SASH1: variants seen among roughly 807,000 people sequenced by gnomAD.
SASH1 encodes SAM and SH3 domain-containing protein 1.
SASH1 carries 44 observed loss-of-function variants against 125.2 expected under a neutral mutation model. The observed-to-expected ratio is 0.35, with a 90% CI of 0.28 to 0.45. The LOEUF (loss-of-function observed/expected upper bound fraction) is 0.45, where lower values mean the gene tolerates loss of function less well. Ranked by LOEUF, SASH1 falls within the 20% of genes least tolerant of loss-of-function variation. The probability of loss-of-function intolerance (pLI) is 1.00; values close to 1 mark genes in which losing one functional copy is unlikely to be tolerated. For synonymous variants in SASH1, 639 were observed against 649.1 expected (o/e 0.98, Z 0.24); for missense variants, 1,426 against 1,614.5 (o/e 0.88, Z 2.00).
In SASH1 at chr6:148,316,875, C is replaced by T. The variant is rs1780491887; in HGVS notation, n.74+44498C>T. On this transcript the variant is annotated intron_variant and non_coding_transcript_variant, in intron 1 of 3. Transcript: ENST00000367469. ...GGTGTGTATCTTGGGTGCAAATGTG[C>T]ATGAAAGATCAAAATGAAGCTCTTT... 3.3e-5 allele frequency among the ~76,000 whole-genome samples: 5 copies of T among 152,118 alleles called. No homozygotes were observed. The South Asian group carries it at 1.0e-3, about 31-fold the overall frequency.
intron 1 of SASH1, among the ~76,000 whole-genome samples, chr6:148,318,681 T>C (rs1180753217): frequency 4.0e-5 from 6 of 151,344 alleles, no homozygotes; most frequent in African/African-American, 1.5e-4. Context: ...GCCTCACGAG[T>C]AGCTCGGACT....
At chr6:148,265,757 C>G in the SASH1 span, among the ~76,000 whole-genome samples, 1 of 152,122 alleles carries the variant, frequency 6.6e-6, no homozygotes, top group South Asian at 2.1e-4. Flanking sequence ...GATGCCAGAT[C>G]TAGGCCTTAA....
rs1221442437 is a variant in SASH1 at position 148,550,804 on chromosome 6, T to A, written c.*2246T>A. 1.3e-5 allele frequency: 2 copies of A among 152,240 alleles called. No homozygotes were observed. The highest frequency in any genetic ancestry group is 4.8e-5 in the African/African-American group (2 of 41,470). The allele number at this position is 152,240 out of a possible 1,614,324, so 9.4% of individuals were successfully genotyped here. A position where few individuals can be genotyped will look rare whatever the true frequency, so the allele number is the denominator to read the frequency against. ...TACCTCGGCTTGACATTTGGACAGA[T>A]CCTGTCATTGTTTAAGCTGAGCAAA... On this transcript the variant is annotated 3_prime_UTR_variant, in exon 20 of 20. Transcript: ENST00000367467.
At chr6:148,507,093 T>G (rs1333586029) in intron 8 of SASH1, among the ~76,000 whole-genome samples, 1 of 152,018 alleles carries the variant, frequency 6.6e-6, no homozygotes, top group East Asian at 1.9e-4. Context: ...TTGGGCAGTG[T>G]AGGGAAGGTG....
At chr6:148,479,045 C>CTTTTT (rs35055729) in intron 7 of SASH1, 1 of 105,168 alleles carries the variant, frequency 9.5e-6, no homozygotes. Context: ...GACTGCACTA[C>CTTTTT]TTTTTTTTTT....
In SASH1 at chr6:148,519,902, G is replaced by A. The variant is rs187923820; in HGVS notation, c.1209+9G>A. 128 of 1,536,710 alleles carry A rather than the reference G, an allele frequency of 8.3e-5. 1 individual carries two copies. The East Asian group carries it at 2.3e-3, about 27-fold the overall frequency. Reference sequence around the variant, plus strand: ...GGTCCCTAAGCCACGGGGTAAGTACGGATGGTGTTTGCTTCTATGACAACC... The same window carrying A: ...GGTCCCTAAGCCACGGGGTAAGTACAGATGGTGTTTGCTTCTATGACAACC... On this transcript the variant is annotated intron_variant, in intron 10 of 19. Transcript: ENST00000367467. The surrounding 1 kb of genome is among the most constrained non-coding windows in gnomAD (Gnocchi z 4.8).
At position 148,534,771 on chromosome 6, in the gene SASH1, G is replaced by C. The variant is rs142166203; in HGVS notation, c.1965G>C (p.Leu655=). The C allele has an allele frequency of 3.2e-5, 51 of 1,614,212 alleles. No individual in the cohort carries two copies. The African/African-American group carries it at 6.0e-4, about 19-fold the overall frequency. The part of the protein sequence containing the change: ...INLKEHMPTF[L]FNGYEDLDTF... The stretch of plus-strand genomic sequence containing the variant: ...CACAGGAGCACATGCCCACTTTCCT[G>C]TTCAATGGATATGAAGATTTGGACA... Residue 655 remains leucine (L), a synonymous_variant, in exon 16 of 20, where the codon CTG becomes CTC. Coordinates refer to ENST00000367467, the MANE Select transcript of SASH1 (RefSeq NM_015278.5).
intron 1 of SASH1, among the ~76,000 whole-genome samples, chr6:148,286,257 TG>T (rs1236712901): frequency 6.6e-6 from 1 of 151,884 alleles, no homozygotes; most frequent in Non-Finnish European, 1.5e-5. Context: ...TTCCATTAGC[TG>T]GGCGTGGTGG....
intron 8 of SASH1, among the ~76,000 whole-genome samples, chr6:148,498,086 C>G (rs1314516204): frequency 6.6e-6 from 1 of 151,756 alleles, no homozygotes; most frequent in Non-Finnish European, 1.5e-5. Context: ...AGGCCTTCCT[C>G]GACATATCAA....
At chr6:148,316,217 T>C (rs2128520186) in intron 1 of SASH1, among the ~76,000 whole-genome samples, 1 of 152,322 alleles carries the variant, frequency 6.6e-6, no homozygotes, top group East Asian at 1.9e-4. Flanking sequence ...CTTATCTAGG[T>C]GTTCCCAGTT....
At chr6:148,401,035 A>G (rs1784148595) in intron 2 of SASH1, among the ~76,000 whole-genome samples, 1 of 152,138 alleles carries the variant, frequency 6.6e-6, no homozygotes, top group Admixed American at 6.6e-5. Flanking sequence ...GCTTGAGTTT[A>G]GGAGTTTGAG....
intron 4 of SASH1, among the ~76,000 whole-genome samples, chr6:148,455,379 G>C (rs1023178841): frequency 6.6e-6 from 1 of 152,202 alleles, no homozygotes; most frequent in Non-Finnish European, 1.5e-5. Context: ...GTTGGGGGCT[G>C]TTCAGCTGAT....
chr6:148,434,319 C>T (rs534901052), intron 2 of SASH1, among the ~76,000 whole-genome samples: 1 of 152,202 alleles, frequency 6.6e-6, no homozygotes, highest in African/African-American at 2.4e-5. Flanking sequence ...TCGTGATCTG[C>T]CTGCCTCAGC....
intron 1 of SASH1, among the ~76,000 whole-genome samples, chr6:148,318,471 G>T (rs1304003682): frequency 6.6e-6 from 1 of 151,646 alleles, no homozygotes; most frequent in Non-Finnish European, 1.5e-5. Flanking sequence ...TATTTATTGA[G>T]CTCCTTACTG....
At chr6:148,506,474 C>T (rs1000698608) in intron 8 of SASH1, among the ~76,000 whole-genome samples, 7 of 152,014 alleles carry the variant, frequency 4.6e-5, no homozygotes, top group African/African-American at 1.7e-4. Flanking sequence ...AACTCCATCT[C>T]AAATAATAAT....
At chr6:148,456,867 T>A (rs1777375980) in intron 4 of SASH1, among the ~76,000 whole-genome samples, 1 of 134,280 alleles carries the variant, frequency 7.4e-6, no homozygotes, top group African/African-American at 2.7e-5. Context: ...CCAGAGTGTC[T>A]CATAACAATA....
intron 4 of SASH1, among the ~76,000 whole-genome samples, chr6:148,454,336 G>A (rs556097297): frequency 2.9e-4 from 44 of 152,082 alleles, no homozygotes; most frequent in Non-Finnish European, 4.7e-4. Context: ...TGACGGTGAA[G>A]CACGGAAAAA....
At chr6:148,372,886 G>GA (rs1431610429) in intron 1 of SASH1, among the ~76,000 whole-genome samples, 1 of 152,070 alleles carries the variant, frequency 6.6e-6, no homozygotes, top group African/African-American at 2.4e-5. Flanking sequence ...TTCAGATGGT[G>GA]AAAAAATGGT....
At position 148,468,561 on chromosome 6, in the gene SASH1, T is replaced by C. The variant is rs780501252; in HGVS notation, c.403T>C (p.Ser135Pro). ...CTTTTCTAGGAACCCTCTTCATAAA[T>C]CAAACTCAGAAGACAGCTCTGTAGG... ...EVERKNPLHK[S>P]NSEDSSVGKG... The change falls in exon 5 of 20, where the codon TCA becomes CCA. Residue 135 changes from serine to proline, a missense_variant. Ser to Pro is a moderately conservative substitution (Grantham distance 74, BLOSUM62 -1). Coordinates refer to ENST00000367467, the MANE Select transcript of SASH1 (RefSeq NM_015278.5). 6.2e-7 allele frequency: 1 copy of C among 1,610,054 alleles called. No homozygotes were observed. The highest frequency in any genetic ancestry group is 2.2e-5 in the East Asian group (1 of 44,798).
Sources: gnomAD v4.1 joint callset for allele counts (sites outside exome capture counted in the v4.1 genomes callset) on GRCh38, gnomAD v4.1.1 for gene constraint, Gnocchi (gnomAD v3.1) non-coding constraint, MANE v1.5 for transcripts, NCBI Gene and HGNC (gene_info 2026-07-23, HGNC 2026-07-21) for gene names.